Variants in FAM131B observed in about 807,000 individuals in gnomAD.
The protein encoded by FAM131B is protein FAM131B.
In FAM131B, 19 loss-of-function variants were observed where a neutral mutation model predicts 42.0. That is an observed-to-expected ratio of 0.45 (90% CI 0.32 to 0.66). The LOEUF (loss-of-function observed/expected upper bound fraction) is 0.66. Among genes scored for constraint, FAM131B ranks in the 30% least tolerant of loss-of-function variants. FAM131B has a pLI of 0.05. For synonymous variants in FAM131B, 183 were observed against 177.6 expected, an observed-to-expected ratio of 1.03 and a Z score of -0.24; for missense variants, 370 against 468.4, an observed-to-expected ratio of 0.79 and a Z score of 1.94.
chr7:143,358,966 C>G lies in FAM131B; in HGVS notation c.327G>C (p.Arg109=). The change falls in exon 5 of 7, where the codon CGG becomes CGC. Residue 109 remains arginine, a synonymous_variant. Coordinates refer to ENST00000443739, the MANE Select transcript of FAM131B (RefSeq NM_001031690.3). The surrounding 1 kb of genome is among the most constrained non-coding windows in gnomAD (Gnocchi z 4.7). ...VTKPTAMGQG[R]VAHMIEWQGW... is the part of the protein sequence containing the mutation. Reference sequence around the variant, plus strand: ...CCTGCCACTCAATCATGTGGGCCACCCGGCCTTGCCCCATGGCTGTGGGCT... The same window carrying G: ...CCTGCCACTCAATCATGTGGGCCACGCGGCCTTGCCCCATGGCTGTGGGCT... The G allele has an allele frequency of 6.2e-7, 1 of 1,614,080 alleles. No individual in the cohort carries two copies. Among genetic ancestry groups the G allele is most frequent in the Non-Finnish European group, 8.5e-7 (1 of 1,180,020 alleles).
At chr7:143,369,838 G>A in the FAM131B span, among the ~76,000 whole-genome samples, 1 of 152,114 alleles carries the variant, frequency 6.6e-6, no homozygotes, top group Admixed American at 6.5e-5. Context: ...TCAGACCACC[G>A]TTTGGTTAAG....
At chr7:143,381,298 T>G in the FAM131B span, 1 of 1,095,656 alleles carries the variant, frequency 9.1e-7, no homozygotes, top group Non-Finnish European at 1.1e-6. Context: ...CCCTCCTCCT[T>G]CCGTGTGTCC....
At chr7:143,380,381 G>C in the FAM131B span, 1 of 984,870 alleles carries the variant, frequency 1.0e-6, no homozygotes, top group Non-Finnish European at 1.2e-6. The surrounding 1 kb of genome is among the most constrained non-coding windows in gnomAD (Gnocchi z 5.0). Flanking sequence ...CTCCACCGTC[G>C]CCCGGGGTCT....
Position 143,362,591 on chromosome 7 carries a change from C to T in FAM131B, c.13G>A (p.Gly5Ser), listed in dbSNP as rs950267862. 1 of 1,220,816 alleles carries T rather than the reference C, an allele frequency of 8.2e-7. No individual in the cohort carries two copies. Among genetic ancestry groups the T allele is most frequent in the Non-Finnish European group, 1.0e-6 (1 of 980,858 alleles). 75.6% of individuals were successfully genotyped at this position (1,220,816 alleles called of 1,614,324 possible). MGCI[G>S]SRTVGNEVIA... The stretch of plus-strand genomic sequence containing the variant: ...CGGTACCCACCCACAGTCCGGGAGC[C>T]GATGCAGCCCATGGCTCCGGGGGCC... The change falls in exon 1 of 7, where the codon GGC (glycine) becomes AGC (serine). Residue 5 changes from glycine to serine, a missense_variant. Physicochemically the swap from Gly to Ser is moderately conservative, Grantham distance 56 (BLOSUM62 0). Coordinates refer to ENST00000443739, the MANE Select transcript of FAM131B (RefSeq NM_001031690.3). The surrounding 1 kb of genome is among the most constrained non-coding windows in gnomAD (Gnocchi z 7.7).
chr7:143,361,934 T>A, intron 1 of FAM131B: 42 of 349,730 alleles, frequency 1.2e-4, no homozygotes, highest in Non-Finnish European at 1.6e-4. Flanking sequence ...CCCCAGCCCC[T>A]TCCCTCCACC....
the FAM131B span, among the ~76,000 whole-genome samples, chr7:143,369,673 T>G: frequency 1.7e-3 from 18 of 10,772 alleles, no homozygotes; most frequent in East Asian, 0.029. Flanking sequence ...AGAATCCGTC[T>G]CAAAAAAAAA....
chr7:143,360,473 G>A, intron 1 of FAM131B: 3 of 1,098,974 alleles, frequency 2.7e-6, no homozygotes, highest in Non-Finnish European at 3.4e-6. Flanking sequence ...ATGGGAGCTG[G>A]GCTTTTTCTC....
Position 143,356,349 on chromosome 7 carries a change from G to C in FAM131B, c.*201C>G, listed in dbSNP as rs1803651920. On this transcript the variant is annotated 3_prime_UTR_variant, in exon 7 of 7. Transcript: ENST00000443739. This position sits in a 1 kb window ranked among gnomAD's most constrained non-coding sequence, Gnocchi z 4.4. ...CGGCCATCTAGTTGCCCAGGTCTCA[G>C]TTCCCAGGCCTGTGGGTTTCTAGAG... The C allele has an allele frequency of 1.7e-6, 1 of 572,532 alleles. No individual in the cohort carries two copies. The highest frequency in any genetic ancestry group is 2.3e-5 in the South Asian group (1 of 44,284). The allele number at this position is 572,532 out of a possible 1,614,324, so 35.5% of individuals were successfully genotyped here.
rs1435764592 is a variant in FAM131B, at chr7:143,358,593, G to A, written c.466+234C>T. On this transcript the variant is annotated intron_variant, in intron 5 of 6. Coordinates refer to ENST00000443739, the MANE Select transcript of FAM131B (RefSeq NM_001031690.3). This position sits in a 1 kb window ranked among gnomAD's most constrained non-coding sequence, Gnocchi z 4.7. ...CGTGATGAGGAGAGAAGGCATCTGG[G>A]ATGGGTGGACCCACAAATCCCATCT... Among the ~76,000 whole-genome samples the A allele has an allele frequency of 6.6e-6, 1 of 152,210 alleles. No individual in the cohort carries two copies. The highest frequency in any genetic ancestry group is 1.5e-5 in the Non-Finnish European group (1 of 68,042).
At chr7:143,376,498 G>A in the FAM131B span, among the ~76,000 whole-genome samples, 1 of 152,244 alleles carries the variant, frequency 6.6e-6, no homozygotes, top group Non-Finnish European at 1.5e-5. Context: ...GAAGAAAGAA[G>A]GAAACGTGGG....
chr7:143,355,378 C>G lies in FAM131B; in HGVS notation c.*1172G>C, dbSNP rs1022392273. ...TCCTCTGGTAGGAGGCCTGGGGAGG[C>G]AGGGAGGACAGCTGTGAGGCTGTTT... On this transcript the variant is annotated 3_prime_UTR_variant, in exon 7 of 7. Transcript: ENST00000443739. The surrounding 1 kb of genome is among the most constrained non-coding windows in gnomAD (Gnocchi z 4.1). 1.3e-5 allele frequency: 2 copies of G among 152,404 alleles called. No homozygotes were observed. The highest frequency in any genetic ancestry group is 4.8e-5 in the African/African-American group (2 of 41,432). 9.4% of individuals were successfully genotyped at this position (152,404 alleles called of 1,614,324 possible).
chr7:143,365,566 T>TA (rs548048422), upstream of FAM131B, among the ~76,000 whole-genome samples: 101 of 152,278 alleles, frequency 6.6e-4, no homozygotes, highest in African/African-American at 2.1e-3. Context: ...ATTTCCCAGT[T>TA]GGAAAGAGAA....
the FAM131B span, chr7:143,379,730 AATAAAGTAG>A: frequency 6.6e-6 from 1 of 152,238 alleles, no homozygotes; most frequent in Non-Finnish European, 1.5e-5. Flanking sequence ...TATATAATGC[AATAAAGTAG>A]ATGGATTAAC....
In FAM131B at chr7:143,356,663, G is replaced by A. The variant is rs1310802860; in HGVS notation, c.970C>T (p.Leu324Phe). The A allele has an allele frequency of 3.7e-6, 6 of 1,613,994 alleles. No homozygotes were observed. In the African/African-American group the frequency reaches 5.3e-5, roughly 14 times the overall value. ...EDAGCRDLES[L>F]SPREDPEMST... ...ATCTCAGGGTCTTCTCGTGGGGAAA[G>A]TGACTCCAGGTCCCGGCATCCCGCA... The change falls in exon 7 of 7, where the codon CTT (leucine) becomes TTT (phenylalanine). Residue 324 changes from leucine to phenylalanine, a missense_variant. Transcript: ENST00000443739. The surrounding 1 kb of genome is among the most constrained non-coding windows in gnomAD (Gnocchi z 4.4).
chr7:143,370,979 C>T, the FAM131B span, among the ~76,000 whole-genome samples: 1 of 152,150 alleles, frequency 6.6e-6, no homozygotes, highest in Admixed American at 6.5e-5. Flanking sequence ...TTCATACCCT[C>T]GTGAGGGACT....
chr7:143,376,160 G>A, the FAM131B span, among the ~76,000 whole-genome samples: 10 of 152,168 alleles, frequency 6.6e-5, no homozygotes, highest in South Asian at 6.2e-4. Flanking sequence ...TGCTGCTTCT[G>A]ATCCGGTGGG....
the FAM131B span, among the ~76,000 whole-genome samples, chr7:143,377,172 A>C: frequency 8.5e-4 from 129 of 152,182 alleles, no homozygotes; most frequent in Middle Eastern, 3.4e-3. Flanking sequence ...GGCCATGCCT[A>C]GTCTTGAACT....
the FAM131B span, chr7:143,379,699 A>T: frequency 1.3e-5 from 2 of 152,228 alleles, no homozygotes; most frequent in Non-Finnish European, 2.9e-5. Context: ...GCATACAGCT[A>T]TGACATTTCA....
chr7:143,377,635 A>G, the FAM131B span, among the ~76,000 whole-genome samples: 2 of 152,190 alleles, frequency 1.3e-5, no homozygotes, highest in South Asian at 4.1e-4. Flanking sequence ...TAACTAAAAA[A>G]TGGGATAATG....
Sources: allele counts gnomAD v4.1 joint callset (sites outside exome capture counted in the v4.1 genomes callset), GRCh38; gene constraint gnomAD v4.1.1; non-coding constraint Gnocchi (gnomAD v3.1); transcripts MANE v1.5; gene names NCBI Gene and HGNC (gene_info 2026-07-23, HGNC 2026-07-21).